The following CACNA1E variants were observed in gnomAD, a reference collection of about 807,000 sequenced individuals.
CACNA1E encodes the protein voltage-dependent R-type calcium channel subunit alpha-1E.
In CACNA1E, 40 loss-of-function variants were observed where a neutral mutation model predicts 259.2. The observed-to-expected ratio is 0.15, with a 90% CI of 0.12 to 0.20. The LOEUF (loss-of-function observed/expected upper bound fraction) is 0.20. Ranked by LOEUF, CACNA1E falls within the 10% of genes least tolerant of loss-of-function variation. CACNA1E has a pLI of 1.00. For synonymous variants in CACNA1E, 1,104 were observed against 1,138.5 expected (o/e 0.97, Z 0.61); for missense variants, 1,874 against 3,040.1 (o/e 0.62, Z 9.02).
intron 3 of CACNA1E, among the ~76,000 whole-genome samples, chr1:181,565,637 G>A (rs971998062): frequency 6.6e-5 from 10 of 152,234 alleles, no homozygotes; most frequent in African/African-American, 2.4e-4. Flanking sequence ...CCTTAGGGAT[G>A]AAGTATTGTT....
At chr1:181,451,724 A>G (rs1296557176) in intron 2 of CACNA1E, among the ~76,000 whole-genome samples, 1 of 152,144 alleles carries the variant, frequency 6.6e-6, no homozygotes, top group African/African-American at 2.4e-5. Flanking sequence ...CATAGCTAGC[A>G]ATGTTTTATT....
At chr1:181,402,901 G>C (rs1314934175) in intron 1 of CACNA1E, among the ~76,000 whole-genome samples, 1 of 152,196 alleles carries the variant, frequency 6.6e-6, no homozygotes, top group Non-Finnish European at 1.5e-5. Context: ...AGTGTTACTA[G>C]CTATGTGACC....
intron 13 of CACNA1E, 86 bp downstream of exon 13, chr1:181,719,949 C>A: frequency 1.2e-6 from 1 of 846,962 alleles, no homozygotes; most frequent in Non-Finnish European, 1.9e-6. Flanking sequence ...TCTTCTCTTT[C>A]CCCCTTAGGG....
intron 6 of CACNA1E, among the ~76,000 whole-genome samples, chr1:181,644,930 G>A (rs1014824631): frequency 2.0e-5 from 3 of 152,176 alleles, no homozygotes. Context: ...GGTGAAGCTG[G>A]TCTGTCAGGC....
At chr1:181,320,153 A>G (rs1412658939) in intron 1 of CACNA1E, among the ~76,000 whole-genome samples, 1 of 152,200 alleles carries the variant, frequency 6.6e-6, no homozygotes, top group Admixed American at 6.5e-5. Context: ...TGGTTGAGCT[A>G]TCGGATCATC....
At chr1:181,540,582 T>G (rs6697584) in intron 3 of CACNA1E, among the ~76,000 whole-genome samples, 1 of 151,964 alleles carries the variant, frequency 6.6e-6, no homozygotes, top group Non-Finnish European at 1.5e-5. Flanking sequence ...GACTCTCTGG[T>G]CTTCCCCTGA....
At chr1:181,666,249 C>A (rs1648210707) in intron 7 of CACNA1E, among the ~76,000 whole-genome samples, 1 of 152,190 alleles carries the variant, frequency 6.6e-6, no homozygotes, top group African/African-American at 2.4e-5. Context: ...GATCCCATTG[C>A]CTAAACGATA....
At chr1:181,425,690 C>G (rs1049365763) in intron 2 of CACNA1E, among the ~76,000 whole-genome samples, 3 of 152,030 alleles carry the variant, frequency 2.0e-5, no homozygotes, top group African/African-American at 7.2e-5. Context: ...TCTGAGGACC[C>G]CACCTCAGCC....
intron 2 of CACNA1E, among the ~76,000 whole-genome samples, chr1:181,458,887 A>G (rs1000719843): frequency 6.6e-6 from 1 of 152,134 alleles, no homozygotes; most frequent in African/African-American, 2.4e-5. Context: ...CCATTTATTC[A>G]ACAAATATTC....
In CACNA1E at chr1:181,510,501, C is replaced by A. The variant is rs1405391480; in HGVS notation, c.291C>A (p.Ala97=). The part of the protein sequence containing the change: ...DWPPFEYMIL[A]TIIANCIVLA... ...CGCCATTTGAGTACATGATCCTGGCCACCATCATTGCCAACTGCATCGTCC... is the reference window on the plus strand; with the variant it reads ...CGCCATTTGAGTACATGATCCTGGCAACCATCATTGCCAACTGCATCGTCC... The change falls in exon 2 of 48, where the codon GCC becomes GCA. Residue 97 remains alanine (A), a synonymous_variant. Transcript: ENST00000367573. 3 of 1,613,784 alleles carry A rather than the reference C, an allele frequency of 1.9e-6. No homozygotes were observed. In the South Asian group the frequency reaches 3.3e-5, roughly 18 times the overall value.
At chr1:181,689,845 G>GT (rs1558268925) in intron 7 of CACNA1E, among the ~76,000 whole-genome samples, 2 of 151,546 alleles carry the variant, frequency 1.3e-5, no homozygotes, top group Admixed American at 1.3e-4. Context: ...TTGTAAATTT[G>GT]TTTAAGTTCT....
At chr1:181,514,841 C>T (rs974960652) in intron 3 of CACNA1E, among the ~76,000 whole-genome samples, 5 of 152,146 alleles carry the variant, frequency 3.3e-5, no homozygotes, top group African/African-American at 1.2e-4. Flanking sequence ...CTCTGACCTC[C>T]TAAACTTTAG....
At chr1:181,391,935 CTCTCTCTCTCTGTG>C (rs1429224494) in intron 1 of CACNA1E, among the ~76,000 whole-genome samples, 3 of 76,684 alleles carry the variant, frequency 3.9e-5, no homozygotes, top group African/African-American at 1.2e-4. Flanking sequence ...GTCTCTCTCT[CTCTCTCTCTCTGTG>C]TGTGTGTGTG....
rs996945844 is a variant in CACNA1E at position 181,753,712 on chromosome 1, C to T, written c.3828+1473C>T. Among the ~76,000 whole-genome samples, 5 of 152,316 alleles carry T rather than the reference C, an allele frequency of 3.3e-5. 1 individual carries two copies. In the South Asian group the frequency reaches 1.0e-3, roughly 32 times the overall value. On this transcript the variant is annotated intron_variant, in intron 27 of 47. Coordinates refer to ENST00000367573, the MANE Select transcript of CACNA1E (RefSeq NM_001205293.3). ...CCACTTCCTATTGAATTCTCATCAC[C>T]TCTGATACTCTTTGCCCACGCCTAC...
chr1:181,360,013 C>A (rs1302155156), intron 1 of CACNA1E, among the ~76,000 whole-genome samples: 1 of 152,120 alleles, frequency 6.6e-6, no homozygotes, highest in Non-Finnish European at 1.5e-5. Flanking sequence ...TCTCTCAATG[C>A]AAGGCTGCTC....
At chr1:181,730,473 AAG>A (rs948416891) in intron 18 of CACNA1E, among the ~76,000 whole-genome samples, 2 of 152,336 alleles carry the variant, frequency 1.3e-5, no homozygotes, top group South Asian at 2.1e-4. Context: ...ATGCATATGG[AAG>A]AGAGTTTTCT....
intron 35 of CACNA1E, among the ~76,000 whole-genome samples, chr1:181,769,287 T>C (rs1050471338): frequency 6.6e-6 from 1 of 151,956 alleles, no homozygotes; most frequent in African/African-American, 2.4e-5. Context: ...TCAGCATCCC[T>C]TCTTTCTCTT....
intron 6 of CACNA1E, among the ~76,000 whole-genome samples, chr1:181,593,773 G>A (rs1439335617): frequency 6.6e-6 from 1 of 152,020 alleles, no homozygotes; most frequent in Non-Finnish European, 1.5e-5. Context: ...TCCTGACCTC[G>A]TGATCCCCCC....
intron 23 of CACNA1E, 88 bp downstream of exon 23, chr1:181,737,742 A>G (rs1656185560): frequency 6.6e-7 from 1 of 1,519,108 alleles, no homozygotes; most frequent in Non-Finnish European, 8.9e-7. Context: ...GATGGTAGCA[A>G]GGTTTCTGGG....
Sources: allele counts gnomAD v4.1 joint callset (sites outside exome capture counted in the v4.1 genomes callset), GRCh38; gene constraint gnomAD v4.1.1; transcripts MANE v1.5; gene names NCBI Gene and HGNC (gene_info 2026-07-23, HGNC 2026-07-21).